The following GRK3 variants were observed in gnomAD, a reference collection of about 807,000 sequenced individuals.
GRK3 encodes G protein-coupled receptor kinase 3, also known as adrenergic, beta, receptor kinase 2.
Under a neutral mutation model 95.7 loss-of-function variants are expected in GRK3, and 54 were observed. The ratio of observed to expected loss-of-function variants is 0.56; its 90% CI spans 0.45 to 0.71. The LOEUF is 0.71. Among genes scored for constraint, GRK3 ranks in the 30% least tolerant of loss-of-function variants. The pLI is 0.00. For synonymous variants in GRK3, 281 were observed against 290.8 expected (o/e 0.97, Z 0.34); for missense variants, 649 against 851.2 (o/e 0.76, Z 2.96).
rs938998344 is a variant in GRK3 at position 25,727,426 on chromosome 22, A to G, written c.*4976A>G. The G allele has an allele frequency of 2.0e-5, 3 of 152,210 alleles. No homozygotes were observed. The highest frequency in any genetic ancestry group is 4.4e-5 in the Non-Finnish European group (3 of 68,044). The allele number at this position is 152,210 out of a possible 1,614,324, so 9.4% of individuals were successfully genotyped here. On this transcript the variant is annotated 3_prime_UTR_variant, in exon 21 of 21. Transcript: ENST00000324198. ...AGGACTAAGATAGTTGTTTTATTTC[A>G]GCCGAATCACAGAGATAACCACTCC... is the stretch of plus-strand genomic sequence containing the variant.
intron 15 of GRK3, among the ~76,000 whole-genome samples, chr22:25,709,076 C>T (rs1237033333): frequency 1.3e-5 from 2 of 151,256 alleles, no homozygotes; most frequent in African/African-American, 4.9e-5. Context: ...CTCGCTCTGT[C>T]GCCCAGGCTG....
chr22:25,699,087 G>A (rs1253986466), intron 13 of GRK3, among the ~76,000 whole-genome samples: 1 of 152,106 alleles, frequency 6.6e-6, no homozygotes, highest in East Asian at 1.9e-4. Flanking sequence ...AAACCCTGTG[G>A]CGAGGCGGGC....
chr22:25,712,618 T>TGG (rs2085352783), intron 17 of GRK3, among the ~76,000 whole-genome samples: 1 of 152,258 alleles, frequency 6.6e-6, no homozygotes. Flanking sequence ...CAGACTGGGC[T>TGG]GGGATCTGCC....
rs190667404 is a variant in GRK3 at position 25,643,229 on chromosome 22, G to A, written c.191-1363G>A. Among the ~76,000 whole-genome samples the A allele has an allele frequency of 1.4e-4, 21 of 152,266 alleles. No homozygotes were observed. In the East Asian group the frequency reaches 1.7e-3, roughly 13 times the overall value. On this transcript the variant is annotated intron_variant, in intron 2 of 20. Transcript: ENST00000324198. ...CCTACTTCCTGCCTATGTTGGGGTC[G>A]TTGCAGTTTCTCCATGGGAGGAGCG...
intron 8 of GRK3, among the ~76,000 whole-genome samples, chr22:25,675,777 T>C (rs1188155847): frequency 6.6e-6 from 1 of 152,232 alleles, no homozygotes; most frequent in Non-Finnish European, 1.5e-5. Flanking sequence ...GATATGTTTT[T>C]TGAGGACTGA....
intron 1 of GRK3, among the ~76,000 whole-genome samples, chr22:25,566,327 C>T (rs2331114): frequency 0.1 from 15,927 of 152,182 alleles, 2,666 homozygotes; most frequent in African/African-American, 0.36. Flanking sequence ...GTCCTTCAAG[C>T]GTTAGGCGCC....
intron 6 of GRK3, 31 bp downstream of exon 6, chr22:25,667,831 T>A: frequency 7.6e-7 from 1 of 1,310,968 alleles, no homozygotes; most frequent in Non-Finnish European, 1.1e-6. Flanking sequence ...ATATACACAA[T>A]TTTTTATCAT....
In GRK3 at chr22:25,576,420, T is replaced by G. The variant is rs562445689; in HGVS notation, c.113+11267T>G. On this transcript the variant is annotated intron_variant, in intron 1 of 20. Coordinates refer to ENST00000324198, the MANE Select transcript of GRK3 (RefSeq NM_005160.4). The stretch of plus-strand genomic sequence containing the variant: ...TTGGTGGGCACACGTCCACTGGATT[T>G]GAGACTATAGTTCATGAAACCACTG... Among the ~76,000 whole-genome samples, 5 of 152,354 alleles carry G rather than the reference T, an allele frequency of 3.3e-5. No individual in the cohort carries two copies. In the South Asian group the frequency reaches 8.3e-4, roughly 25 times the overall value.
At chr22:25,583,201 C>T (rs768861988) in intron 1 of GRK3, among the ~76,000 whole-genome samples, 12 of 152,110 alleles carry the variant, frequency 7.9e-5, no homozygotes, top group African/African-American at 1.4e-4. Flanking sequence ...TAATTTCATC[C>T]GTTAGTCATT....
chr22:25,630,594 A>G (rs1258784770), intron 2 of GRK3, among the ~76,000 whole-genome samples: 2 of 152,188 alleles, frequency 1.3e-5, no homozygotes, highest in East Asian at 1.9e-4. Context: ...TCTCGCCCCT[A>G]CATTCTTACA....
At chr22:25,699,915 G>A (rs2085244330) in intron 13 of GRK3, among the ~76,000 whole-genome samples, 1 of 152,068 alleles carries the variant, frequency 6.6e-6, no homozygotes, top group South Asian at 2.1e-4. Context: ...AGCCAGGATG[G>A]TCCCGATCTC....
At position 25,723,614 on chromosome 22, in the gene GRK3, C is replaced by G. The variant is rs538635847; in HGVS notation, c.*1164C>G. The G allele has an allele frequency of 2.0e-5, 3 of 152,220 alleles. No homozygotes were observed. Among genetic ancestry groups the G allele is most frequent in the African/African-American group, 7.2e-5 (3 of 41,530 alleles). 9.4% of individuals were successfully genotyped at this position (152,220 alleles called of 1,614,324 possible). A position where few individuals can be genotyped will look rare whatever the true frequency, so the allele number is the denominator to read the frequency against. Reference sequence around the variant, plus strand: ...TTTGTTTTCTCCCACTGCCTCCAGGCCCCACTGATACCCCCAAATAGATGC... The same window carrying G: ...TTTGTTTTCTCCCACTGCCTCCAGGGCCCACTGATACCCCCAAATAGATGC... On this transcript the variant is annotated 3_prime_UTR_variant, in exon 21 of 21. Coordinates refer to ENST00000324198, the MANE Select transcript of GRK3 (RefSeq NM_005160.4).
intron 3 of GRK3, chr22:25,647,363 C>A: frequency 7.7e-7 from 1 of 1,294,956 alleles, no homozygotes; most frequent in South Asian, 1.2e-5. Flanking sequence ...GAGCAGAACC[C>A]ACTGCAGTGT....
At chr22:25,606,032 C>T (rs1225667434) in intron 2 of GRK3, among the ~76,000 whole-genome samples, 1 of 152,066 alleles carries the variant, frequency 6.6e-6, no homozygotes, top group East Asian at 1.9e-4. Flanking sequence ...AACATACATA[C>T]AGCCCCCCAA....
chr22:25,698,452 C>A (rs900251937), intron 13 of GRK3, among the ~76,000 whole-genome samples: 5 of 152,212 alleles, frequency 3.3e-5, no homozygotes, highest in African/African-American at 1.2e-4. Context: ...AGAACCAATT[C>A]TAACCTGGAA....
At chr22:25,635,568 A>AGCTT (rs2084694611) in intron 2 of GRK3, among the ~76,000 whole-genome samples, 4 of 152,162 alleles carry the variant, frequency 2.6e-5, no homozygotes, top group Non-Finnish European at 5.9e-5. Flanking sequence ...AATCTGGACT[A>AGCTT]TCCCTCAGCT....
intron 1 of GRK3, among the ~76,000 whole-genome samples, chr22:25,575,741 A>G (rs1409084572): frequency 6.6e-6 from 1 of 152,240 alleles, no homozygotes; most frequent in African/African-American, 2.4e-5. Flanking sequence ...AATTTTAAAA[A>G]GAAAAAAATT....
At chr22:25,721,437 T>C in intron 20 of GRK3, 40 bp downstream of exon 20, 1 of 1,177,286 alleles carries the variant, frequency 8.5e-7, no homozygotes, top group Non-Finnish European at 1.3e-6. Flanking sequence ...TTAGAATAAT[T>C]AAATATTCAG....
At chr22:25,608,859 T>C (rs2084473307) in intron 2 of GRK3, among the ~76,000 whole-genome samples, 1 of 152,262 alleles carries the variant, frequency 6.6e-6, no homozygotes, top group Non-Finnish European at 1.5e-5. Flanking sequence ...ACGTGGGTGT[T>C]GTTTTCCAGT....
Sources: gnomAD v4.1 joint callset for allele counts (sites outside exome capture counted in the v4.1 genomes callset) on GRCh38, gnomAD v4.1.1 for gene constraint, MANE v1.5 for transcripts, NCBI Gene and HGNC (gene_info 2026-07-23, HGNC 2026-07-21) for gene names.